CIAPIN1: variants seen among roughly 807,000 people sequenced by gnomAD.
The protein encoded by CIAPIN1 is cytokine induced apoptosis inhibitor 1, also known as anamorsin.
Under a neutral mutation model 34.3 loss-of-function variants are expected in CIAPIN1, and 18 were observed. The observed-to-expected ratio is 0.52, with a 90% CI of 0.36 to 0.78. The LOEUF (loss-of-function observed/expected upper bound fraction) is 0.78, where lower values mean the gene tolerates loss of function less well. Among genes scored for constraint, CIAPIN1 ranks in the 30% least tolerant of loss-of-function variants. The probability of loss-of-function intolerance (pLI) is 0.00; values close to 1 mark genes in which losing one functional copy is unlikely to be tolerated. For synonymous variants in CIAPIN1, 131 were observed against 140.4 expected, an observed-to-expected ratio of 0.93 and a Z score of 0.47; for missense variants, 310 against 372.5, an observed-to-expected ratio of 0.83 and a Z score of 1.38.
chr16:57,438,627 A>G (rs1903256367), intron 3 of CIAPIN1, among the ~76,000 whole-genome samples: 1 of 152,218 alleles, frequency 6.6e-6, no homozygotes, highest in African/African-American at 2.4e-5. Context: ...ATATGTGTAG[A>G]TTTGTGTAAC....
intron 7 of CIAPIN1, chr16:57,430,791 G>T: frequency 4.1e-6 from 1 of 242,306 alleles, no homozygotes; most frequent in South Asian, 8.4e-5. Context: ...AAAAACAAAT[G>T]TGAAGACACC....
intron 1 of CIAPIN1, among the ~76,000 whole-genome samples, chr16:57,444,820 CA>C (rs373938514): frequency 1.3e-5 from 2 of 152,054 alleles, no homozygotes; most frequent in East Asian, 1.9e-4. Context: ...TCTTTTAAAA[CA>C]AAAAAACCCG....
At position 57,434,059 on chromosome 16, in the gene CIAPIN1, T is replaced by C. The variant is rs745627943; in HGVS notation, c.541A>G (p.Lys181Glu). Residue 181 changes from lysine (K) to glutamate (E), a missense_variant, in exon 5 of 9, where the codon AAG becomes GAG. By Grantham distance (56) the Lys-to-Glu change is moderately conservative. Transcript: ENST00000394391. ...SRQLKLSITKKSSPSVKPAVD... is the reference protein window; with the variant it reads ...SRQLKLSITKESSPSVKPAVD... ...CCAGCCTTACCTGAAGGAGAAGACT[T>C]CTTGGTGATGGAAAGCTTAAGCTGC... 1 of 1,614,032 alleles carries C rather than the reference T, an allele frequency of 6.2e-7. No individual in the cohort carries two copies. The highest frequency in any genetic ancestry group is 8.5e-7 in the Non-Finnish European group (1 of 1,179,966).
chr16:57,439,463 A>C (rs1903278290), intron 2 of CIAPIN1, 129 bp from the exon 3 acceptor site: 1 of 851,996 alleles, frequency 1.2e-6, no homozygotes, highest in Non-Finnish European at 1.9e-6. Context: ...CCATCCAAGA[A>C]GCTGGATGAA....
chr16:57,446,707 G>A (rs1483980230), intron 1 of CIAPIN1, among the ~76,000 whole-genome samples: 1 of 152,142 alleles, frequency 6.6e-6, no homozygotes, highest in Non-Finnish European at 1.5e-5. Context: ...CAAATCACCC[G>A]AGGGAGTGGT....
At position 57,431,243 on chromosome 16, in the gene CIAPIN1, C is replaced by A. The variant is rs377111937; in HGVS notation, c.654G>T (p.Leu218=). The A allele has an allele frequency of 1.2e-6, 2 of 1,613,192 alleles. No homozygotes were observed. The highest frequency in any genetic ancestry group is 1.7e-6 in the Non-Finnish European group (2 of 1,179,416). The part of the protein sequence containing the change: ...DSMDLIDSDE[L]LDPEDLKKPD... ...GCTTCTTCAAATCTTCTGGATCCAG[C>A]AGCTCATCTGAGTCAATGAGATCCT... is the stretch of plus-strand genomic sequence containing the variant. Residue 218 remains leucine, a synonymous_variant, in exon 7 of 9, where the codon CTG becomes CTT. Coordinates refer to ENST00000394391, the MANE Select transcript of CIAPIN1 (RefSeq NM_020313.4).
At position 57,436,731 on chromosome 16, in the gene CIAPIN1, A is replaced by T. The variant is rs371150671; in HGVS notation, c.312T>A (p.Asp104Glu). The change falls in exon 4 of 9, where the codon GAT becomes GAA. Residue 104 changes from aspartate to glutamate, a missense_variant and splice_region_variant. Transcript: ENST00000394391. The stretch of plus-strand genomic sequence containing the variant: ...ATGCTGTCTTCACTTTGCTATTGTT[A>T]TCTGCCAAAAGGAAAATCCCAATTA... ...FLKEPVETAV[D>E]NNSKVKTASK... The T allele has an allele frequency of 5.0e-6, 8 of 1,613,140 alleles. No individual in the cohort carries two copies. Among genetic ancestry groups the T allele is most frequent in the African/African-American group, 2.7e-5 (2 of 74,892 alleles).
chr16:57,429,215 A>G lies in CIAPIN1; in HGVS notation c.894T>C (p.Pro298=). The G allele has an allele frequency of 6.2e-7, 1 of 1,613,618 alleles. No homozygotes were observed. The highest frequency in any genetic ancestry group is 8.5e-7 in the Non-Finnish European group (1 of 1,179,986). Residue 298 remains proline (P), a synonymous_variant, in exon 9 of 9, where the codon CCT becomes CCC. Coordinates refer to ENST00000394391, the MANE Select transcript of CIAPIN1 (RefSeq NM_020313.4). ...TATCACTCAGAAGCACCTTTTCCCC[A>G]GGTTTGAAGGCTGGCATCCCAAGGT... ...CPYLGMPAFK[P]GEKVLLSDSN...
At chr16:57,436,221 T>G (rs1188241192) in intron 4 of CIAPIN1, among the ~76,000 whole-genome samples, 1 of 152,132 alleles carries the variant, frequency 6.6e-6, no homozygotes, top group African/African-American at 2.4e-5. Flanking sequence ...TCAAAAGTTT[T>G]TTTTTGTTTT....
At chr16:57,429,462 G>C (rs1250790172) in intron 8 of CIAPIN1, among the ~76,000 whole-genome samples, 182 bp from the exon 9 acceptor site, 1 of 152,154 alleles carries the variant, frequency 6.6e-6, no homozygotes, top group African/African-American at 2.4e-5. Context: ...AAAAACTATA[G>C]TCATGAAAAG....
chr16:57,430,868 A>G (rs1157569283), intron 7 of CIAPIN1, among the ~76,000 whole-genome samples: 1 of 152,110 alleles, frequency 6.6e-6, no homozygotes, highest in Non-Finnish European at 1.5e-5. Flanking sequence ...TAGGGTTTTG[A>G]GGGAGAGTGA....
chr16:57,433,542 T>TGTGC (rs1555513058), intron 5 of CIAPIN1: 17 of 180,440 alleles, frequency 9.4e-5, no homozygotes, highest in African/African-American at 2.7e-4. Context: ...TGTGTGTGTG[T>TGTGC]GCGTGCGCGT....
chr16:57,434,093 A>C lies in CIAPIN1; in HGVS notation c.507T>G (p.Gly169=), dbSNP rs763127991. The change falls in exon 5 of 9, where the codon GGT becomes GGG. Residue 169 remains glycine, a synonymous_variant. Coordinates refer to ENST00000394391, the MANE Select transcript of CIAPIN1 (RefSeq NM_020313.4). ...ITGKKPNFEV[G]SSRQLKLSIT... is the part of the protein sequence containing the mutation. ...TGGAAAGCTTAAGCTGCCTAGAAGA[A>C]CCCACTTCAAAGTTTGGTTTTTTGC... 2.5e-6 allele frequency: 4 copies of C among 1,614,150 alleles called. No individual in the cohort carries two copies. The highest frequency in any genetic ancestry group is 3.4e-6 in the Non-Finnish European group (4 of 1,180,002).
At chr16:57,438,799 A>G (rs1000903659) in intron 3 of CIAPIN1, among the ~76,000 whole-genome samples, 2 of 152,212 alleles carry the variant, frequency 1.3e-5, no homozygotes, top group Non-Finnish European at 1.5e-5. Context: ...GGATTTGTAC[A>G]GTACAGAGCC....
At chr16:57,437,095 C>G (rs1358432267) in intron 3 of CIAPIN1, among the ~76,000 whole-genome samples, 1 of 152,090 alleles carries the variant, frequency 6.6e-6, no homozygotes, top group Non-Finnish European at 1.5e-5. Context: ...CCACTGCACT[C>G]TTGCCTGCAC....
chr16:57,443,359 G>A (rs1423684964), intron 1 of CIAPIN1, among the ~76,000 whole-genome samples: 1 of 152,094 alleles, frequency 6.6e-6, no homozygotes, highest in African/African-American at 2.4e-5. Context: ...GGCTGGTCTT[G>A]AACTCCCAGC....
intron 1 of CIAPIN1, among the ~76,000 whole-genome samples, chr16:57,445,336 G>C (rs1274483103): frequency 6.6e-6 from 1 of 151,926 alleles, no homozygotes; most frequent in Non-Finnish European, 1.5e-5. Context: ...GAGAAAACCC[G>C]TCTCTACTAA....
At position 57,447,363 on chromosome 16, in the gene CIAPIN1, G is replaced by C. The variant is rs1357200296; in HGVS notation, c.-77C>G. 2.9e-5 allele frequency: 23 copies of C among 783,122 alleles called. No individual in the cohort carries two copies. The highest frequency in any genetic ancestry group is 2.2e-4 in the African/African-American group (12 of 55,144). The allele number at this position is 783,122 out of a possible 1,614,324, so 48.5% of individuals were successfully genotyped here. ...TCACCTGCCGCCTGGGCTCGCTCCC[G>C]GCTTCTCTCCAGCCGTCGACTCCAC... On this transcript the variant is annotated 5_prime_UTR_variant, in exon 1 of 9. Transcript: ENST00000394391.
chr16:57,433,992 C>T (rs1430271852), intron 5 of CIAPIN1, 52 bp downstream of exon 5: 2 of 1,503,642 alleles, frequency 1.3e-6, no homozygotes, highest in Non-Finnish European at 1.9e-6. Flanking sequence ...CAATTTCTAA[C>T]ATGTCCCTCT....
Sources: gnomAD v4.1 joint callset for allele counts (sites outside exome capture counted in the v4.1 genomes callset) on GRCh38, gnomAD v4.1.1 for gene constraint, MANE v1.5 for transcripts, NCBI Gene and HGNC (gene_info 2026-07-23, HGNC 2026-07-21) for gene names.